Variants in DOHH observed in about 807,000 individuals in gnomAD.
DOHH encodes deoxyhypusine hydroxylase.
In DOHH, 16 loss-of-function variants were observed where a neutral mutation model predicts 19.9. That is an observed-to-expected ratio of 0.80 (90% CI 0.54 to 1.22). The LOEUF (loss-of-function observed/expected upper bound fraction) is 1.22, where lower values mean the gene tolerates loss of function less well. Among genes scored for constraint, DOHH ranks in the 50% most tolerant of loss-of-function variants. The pLI is 0.00. For synonymous variants in DOHH, 233 were observed against 217.0 expected (o/e 1.07, Z -0.65); for missense variants, 460 against 460.6 (o/e 1.00, Z 0.01).
rs190702171 is a variant in DOHH, at chr19:3,497,679, C to T, written c.-72-793G>A. Among the ~76,000 whole-genome samples, 292 of 152,224 alleles carry T rather than the reference C, an allele frequency of 1.9e-3. 1 individual carries two copies. Among genetic ancestry groups the T allele is most frequent in the African/African-American group, 6.6e-3 (274 of 41,542 alleles). On this transcript the variant is annotated intron_variant, in intron 1 of 4. Transcript: ENST00000427575. ...CTTGTTCTGTCGCCAGGCTGGAGTA[C>T]GGCAGCATGATCACGGCTCACTGTA...
At chr19:3,497,406 G>C (rs754294811) in intron 1 of DOHH, among the ~76,000 whole-genome samples, 8 of 152,258 alleles carry the variant, frequency 5.3e-5, no homozygotes, top group Non-Finnish European at 8.8e-5. Flanking sequence ...TCTTTTGTAG[G>C]GGCCCACGTG....
chr19:3,492,266 G>A lies in DOHH; in HGVS notation c.585C>T (p.Ala195=), dbSNP rs1393133400. Residue 195 remains alanine (A), a synonymous_variant, in exon 4 of 5, where the codon GCC becomes GCT. Coordinates refer to ENST00000427575, the MANE Select transcript of DOHH (RefSeq NM_001145165.2). Reference sequence around the variant, plus strand: ...ACCCCAGAAGCCCCTCCTCACCCTCGGCCAGCGCCAGGGCGGCCTCCTCGC... The same window carrying A: ...ACCCCAGAAGCCCCTCCTCACCCTCAGCCAGCGCCAGGGCGGCCTCCTCGC... ...AGGEEAALAL[A]EGLHCGSALF... 10 of 1,473,846 alleles carry A rather than the reference G, an allele frequency of 6.8e-6. No homozygotes were observed. Among genetic ancestry groups the A allele is most frequent in the Admixed American group, 2.4e-5 (1 of 41,268 alleles). 91.3% of individuals were successfully genotyped at this position (1,473,846 alleles called of 1,614,324 possible). A position where few individuals can be genotyped will look rare whatever the true frequency, so the allele number is the denominator to read the frequency against.
Position 3,491,647 on chromosome 19 carries a change from G to T in DOHH, c.754C>A (p.Pro252Thr). 6.5e-7 allele frequency: 1 copy of T among 1,534,902 alleles called. No individual in the cohort carries two copies. Among genetic ancestry groups the T allele is most frequent in the Non-Finnish European group, 8.7e-7 (1 of 1,145,052 alleles). Residue 252 changes from proline (P) to threonine (T), a missense_variant, in exon 5 of 5, where the codon CCC (proline) becomes ACC (threonine). By Grantham distance (38) the Pro-to-Thr change is conservative (BLOSUM62 -1). Transcript: ENST00000427575. This position sits in a 1 kb window ranked among gnomAD's most constrained non-coding sequence, Gnocchi z 5.6. ...GCCTGCAGCGCGGCCAGGCAGGCGG[G>T]CCGGGCAATGGCGCCCAGGGCCTCC... ...CAEALGAIAR[P>T]ACLAALQAHA...
intron 1 of DOHH, among the ~76,000 whole-genome samples, chr19:3,497,436 C>A (rs1282801891): frequency 6.6e-6 from 1 of 152,172 alleles, no homozygotes; most frequent in African/African-American, 2.4e-5. Context: ...TGAGCCCTCC[C>A]ACCAACAGCC....
At chr19:3,499,442 C>T (rs1195173940) in intron 1 of DOHH, among the ~76,000 whole-genome samples, 1 of 152,212 alleles carries the variant, frequency 6.6e-6, no homozygotes, top group Non-Finnish European at 1.5e-5. Context: ...ATTCCCAGCA[C>T]TTAGTGCAAT....
intron 2 of DOHH, among the ~76,000 whole-genome samples, chr19:3,495,287 A>AT (rs915830989): frequency 7.2e-5 from 11 of 151,930 alleles, no homozygotes; most frequent in Admixed American, 2.0e-4. Context: ...TGAACAGTCC[A>AT]TTTTTTTGAG....
chr19:3,498,643 G>C (rs1398655865), intron 1 of DOHH, among the ~76,000 whole-genome samples: 1 of 152,142 alleles, frequency 6.6e-6, no homozygotes, highest in Non-Finnish European at 1.5e-5. Context: ...AACCTCAGGT[G>C]ATCCACCCGC....
chr19:3,494,790 G>C (rs1375049252), intron 2 of DOHH, among the ~76,000 whole-genome samples: 1 of 152,204 alleles, frequency 6.6e-6, no homozygotes, highest in Non-Finnish European at 1.5e-5. Context: ...TTGTGCACCT[G>C]CCTGGCAGGC....
intron 4 of DOHH, 29 bp downstream of exon 4, chr19:3,492,233 A>C: frequency 6.9e-7 from 1 of 1,442,822 alleles, no homozygotes; most frequent in East Asian, 2.7e-5. Flanking sequence ...GGCACTGCCC[A>C]GGACCCCACC....
rs2082876854 is a variant in DOHH at position 3,492,412 on chromosome 19, C to T, written c.439G>A (p.Val147Met). 1.3e-6 allele frequency: 2 copies of T among 1,520,494 alleles called. No homozygotes were observed. The highest frequency in any genetic ancestry group is 1.8e-6 in the Non-Finnish European group (2 of 1,140,802). 94.2% of individuals were successfully genotyped at this position (1,520,494 alleles called of 1,614,324 possible). Residue 147 changes from valine to methionine, a missense_variant, in exon 4 of 5, where the codon GTG becomes ATG. Coordinates refer to ENST00000427575, the MANE Select transcript of DOHH (RefSeq NM_001145165.2). ...GEPAAGPYLS[V>M]DPAPPAEERD... ...TCCTCAGCCGGCGGGGCAGGGTCCA[C>T]GGAGAGGTAGGGTCCCGCCGCCGGC...
intron 2 of DOHH, among the ~76,000 whole-genome samples, chr19:3,495,763 C>T (rs958019733): frequency 4.6e-5 from 7 of 151,880 alleles, no homozygotes; most frequent in African/African-American, 1.7e-4. Flanking sequence ...ACAAAAATTA[C>T]CCAGGCGTGG....
At chr19:3,494,139 G>A (rs987471781) in intron 2 of DOHH, 35 bp from the exon 3 acceptor site, 7 of 1,587,754 alleles carry the variant, frequency 4.4e-6, no homozygotes, top group Non-Finnish European at 6.0e-6. Context: ...CATGTTGGTG[G>A]GGTGGATGTG....
In DOHH at chr19:3,491,843, G is replaced by A; in HGVS notation, c.590-32C>T. The A allele has an allele frequency of 3.5e-6, 5 of 1,423,064 alleles. No individual in the cohort carries two copies. The highest frequency in any genetic ancestry group is 4.6e-6 in the Non-Finnish European group (5 of 1,090,568). 88.2% of individuals were successfully genotyped at this position (1,423,064 alleles called of 1,614,324 possible). A position where few individuals can be genotyped will look rare whatever the true frequency, so the allele number is the denominator to read the frequency against. On this transcript the variant is annotated intron_variant, in intron 4 of 4. Coordinates refer to ENST00000427575, the MANE Select transcript of DOHH (RefSeq NM_001145165.2). This position sits in a 1 kb window ranked among gnomAD's most constrained non-coding sequence, Gnocchi z 5.6. Reference sequence around the variant, plus strand: ...GGGAGAGGGACACTCGCTGGGGCCAGGAGGGGTGGGAAGGGGAGCTCTGTC... The same window carrying A: ...GGGAGAGGGACACTCGCTGGGGCCAAGAGGGGTGGGAAGGGGAGCTCTGTC...
Position 3,491,581 on chromosome 19 carries a change from C to A in DOHH, c.820G>T (p.Glu274Ter). Residue 274 changes from glutamate to a stop codon, truncating the protein, a stop_gained, in exon 5 of 5, where the codon GAG becomes TAG. Coordinates refer to ENST00000427575, the MANE Select transcript of DOHH (RefSeq NM_001145165.2). LOFTEE classifies it low-confidence loss of function (END_TRUNC). The surrounding 1 kb of genome is among the most constrained non-coding windows in gnomAD (Gnocchi z 5.6). ...DPERVVRESC[E>*]VALDMYEHET... ...TGCTCATACATGTCCAGAGCCACCTCGCAGCTCTCACGCACCACGCGCTCT... is the reference window on the plus strand; with the variant it reads ...TGCTCATACATGTCCAGAGCCACCTAGCAGCTCTCACGCACCACGCGCTCT... The A allele has an allele frequency of 6.5e-7, 1 of 1,535,938 alleles. No individual in the cohort carries two copies. The highest frequency in any genetic ancestry group is 8.7e-7 in the Non-Finnish European group (1 of 1,146,680).
Position 3,496,548 on chromosome 19 carries a change from A to G in DOHH, c.267T>C (p.His89=). ...QDTRQEPMVR[H]EAGEALGAIG... ...ACACAGACAGGTGCTCACCTGCCTC[A>G]TGGCGCACCATGGGCTCCTGACGGG... Residue 89 remains histidine, a synonymous_variant, in exon 2 of 5, where the codon CAT becomes CAC. Coordinates refer to ENST00000427575, the MANE Select transcript of DOHH (RefSeq NM_001145165.2). This position sits in a 1 kb window ranked among gnomAD's most constrained non-coding sequence, Gnocchi z 4.8. 2 of 1,610,934 alleles carry G rather than the reference A, an allele frequency of 1.2e-6. No homozygotes were observed. Among genetic ancestry groups the G allele is most frequent in the African/African-American group, 2.7e-5 (2 of 75,032 alleles).
chr19:3,491,668 C>T lies in DOHH; in HGVS notation c.733G>A (p.Ala245Thr). The T allele has an allele frequency of 4.6e-6, 7 of 1,534,622 alleles. No homozygotes were observed. The highest frequency in any genetic ancestry group is 6.1e-6 in the Non-Finnish European group (7 of 1,144,330). ...NPMVRHECAE[A>T]LGAIARPACL... ...GCGGGCCGGGCAATGGCGCCCAGGG[C>T]CTCCGCGCACTCGTGCCGCACCATG... The change falls in exon 5 of 5, where the codon GCC (alanine) becomes ACC (threonine). Residue 245 changes from alanine (A) to threonine (T), a missense_variant. Transcript: ENST00000427575. This position sits in a 1 kb window ranked among gnomAD's most constrained non-coding sequence, Gnocchi z 5.6.
In DOHH at chr19:3,491,121, C is replaced by T; in HGVS notation, c.*371G>A. ...CCCTCGCGATCCTCCCCTGGCTTCC[C>T]TCGCGATCCTCCCCTGGCTTCCCTC... On this transcript the variant is annotated 3_prime_UTR_variant, in exon 5 of 5. Transcript: ENST00000427575. This position sits in a 1 kb window ranked among gnomAD's most constrained non-coding sequence, Gnocchi z 5.6. The T allele has an allele frequency of 3.1e-6, 1 of 318,570 alleles. No individual in the cohort carries two copies. Among genetic ancestry groups the T allele is most frequent in the South Asian group, 3.9e-5 (1 of 25,818 alleles). The allele number at this position is 318,570 out of a possible 1,614,324, so 19.7% of individuals were successfully genotyped here.
intron 1 of DOHH, among the ~76,000 whole-genome samples, chr19:3,497,664 C>T (rs1281615031): frequency 4.6e-5 from 7 of 152,112 alleles, no homozygotes; most frequent in African/African-American, 7.2e-5. Flanking sequence ...CTTGTTCTGT[C>T]GCCAGGCTGG....
intron 1 of DOHH, among the ~76,000 whole-genome samples, chr19:3,500,027 G>T (rs2082937633): frequency 6.6e-6 from 1 of 152,226 alleles, no homozygotes; most frequent in African/African-American, 2.4e-5. Context: ...TGGCTCCAGA[G>T]TCGGGCTCTA....
Sources: gnomAD v4.1 joint callset for allele counts (sites outside exome capture counted in the v4.1 genomes callset) on GRCh38, gnomAD v4.1.1 for gene constraint, Gnocchi (gnomAD v3.1) non-coding constraint, MANE v1.5 for transcripts, NCBI Gene and HGNC (gene_info 2026-07-23, HGNC 2026-07-21) for gene names.